Variants in MEAK7 observed in about 807,000 individuals in gnomAD.
MEAK7 encodes the protein MTOR-associated protein MEAK7.
A neutral mutation model predicts 40.5 loss-of-function variants in MEAK7; 68 were observed. The ratio of observed to expected loss-of-function variants is 1.68; its 90% CI spans 1.38 to 2.06. MEAK7 has a LOEUF of 2.06. Ranked by LOEUF, MEAK7 falls within the 30% of genes most tolerant of loss-of-function variation. The pLI is 0.00. For missense variants in MEAK7, 918 were observed against 580.5 expected, an observed-to-expected ratio of 1.58 and a Z score of -5.98; for synonymous variants, 338 against 231.9, an observed-to-expected ratio of 1.46 and a Z score of -4.16.
In MEAK7 at chr16:84,476,588, T is replaced by C. The variant is rs570748369; in HGVS notation, c.*3325A>G. ...TGACAATGATTAGCTGCAAACAAAA[T>C]GTTCCCCAGCTGCAGACGGTGGAAC... is the stretch of plus-strand genomic sequence containing the variant. On this transcript the variant is annotated 3_prime_UTR_variant, in exon 8 of 8. Coordinates refer to ENST00000343629, the MANE Select transcript of MEAK7 (RefSeq NM_020947.4). The C allele has an allele frequency of 6.6e-6, 1 of 152,196 alleles. No homozygotes were observed. The highest frequency in any genetic ancestry group is 2.4e-5 in the African/African-American group (1 of 41,518). The allele number at this position is 152,196 out of a possible 1,614,324, so 9.4% of individuals were successfully genotyped here.
At chr16:84,483,634 A>G (rs761867881) in intron 5 of MEAK7, among the ~76,000 whole-genome samples, 57 of 152,224 alleles carry the variant, frequency 3.7e-4, no homozygotes, top group Non-Finnish European at 7.8e-4. Context: ...GGCCCCGAGC[A>G]AGCCAACAGG....
At chr16:84,498,315 C>A (rs538074163) in intron 1 of MEAK7, among the ~76,000 whole-genome samples, 174 of 152,266 alleles carry the variant, frequency 1.1e-3, no homozygotes, top group African/African-American at 3.9e-3. Context: ...GCTGACCAGG[C>A]TGGAGTGCAG....
At position 84,503,928 on chromosome 16, in the gene MEAK7, C is replaced by G. The variant is rs543823197; in HGVS notation, c.-26+673G>C. The G allele has an allele frequency of 1.9e-4, 185 of 985,488 alleles. 2 individuals carry two copies. The African/African-American group carries it at 2.9e-3, about 15-fold the overall frequency. 61.0% of individuals were successfully genotyped at this position (985,488 alleles called of 1,614,324 possible). ...ACTCTCTACTCCAAGGGCCCCGCAT[C>G]CCTAGAGCCACACAAGGGTCCCTCC... On this transcript the variant is annotated intron_variant, in intron 1 of 7. Transcript: ENST00000343629.
rs1186956316 is a variant in MEAK7, at chr16:84,489,277, C to G, written c.529+1G>C. The stretch of plus-strand genomic sequence containing the variant: ...GCATCACCGCGTCCACGCACACTTG[C>G]CTTGCAGCTTCATGTCAGAGAGCAG... On this transcript the variant is annotated splice_donor_variant, in intron 4 of 7. Transcript: ENST00000343629. LOFTEE classifies it high-confidence loss of function. 4 of 1,613,826 alleles carry G rather than the reference C, an allele frequency of 2.5e-6. No homozygotes were observed. Among genetic ancestry groups the G allele is most frequent in the Non-Finnish European group, 3.4e-6 (4 of 1,179,922 alleles).
At chr16:84,500,398 C>A (rs538810608) in intron 1 of MEAK7, among the ~76,000 whole-genome samples, 1 of 152,190 alleles carries the variant, frequency 6.6e-6, no homozygotes, top group Non-Finnish European at 1.5e-5. Flanking sequence ...ACTCTATAAT[C>A]CCATCAGTAA....
intron 5 of MEAK7, among the ~76,000 whole-genome samples, chr16:84,485,835 C>T (rs1380435911): frequency 1.3e-5 from 2 of 152,224 alleles, no homozygotes; most frequent in Non-Finnish European, 2.9e-5. Flanking sequence ...GCATGCGCCA[C>T]CACACCCATC....
At chr16:84,481,056 A>G (rs1254641660) in intron 6 of MEAK7, among the ~76,000 whole-genome samples, 1 of 127,644 alleles carries the variant, frequency 7.8e-6, no homozygotes, top group Non-Finnish European at 1.9e-5. Context: ...CCCAGTTAAG[A>G]TAAGGGGAGA....
rs925635408 is a variant in MEAK7, at chr16:84,480,013, T to C, written c.1271A>G (p.Lys424Arg). ...CTCAGGGTCCGCATCCAGGATGCTCTTGTTGCCCTTGGCCTTGAGAAGAGA... is the reference window on the plus strand; with the variant it reads ...CTCAGGGTCCGCATCCAGGATGCTCCTGTTGCCCTTGGCCTTGAGAAGAGA... Reference protein sequence around the residue: ...PSEEQLAKGNKSILDADPEAQ... With the variant: ...PSEEQLAKGNRSILDADPEAQ... Residue 424 changes from lysine (K) to arginine (R), a missense_variant, in exon 8 of 8, where the codon AAG becomes AGG. Lys to Arg is a conservative substitution (Grantham distance 26). Coordinates refer to ENST00000343629, the MANE Select transcript of MEAK7 (RefSeq NM_020947.4). 1.2e-6 allele frequency: 2 copies of C among 1,602,324 alleles called. No homozygotes were observed. The highest frequency in any genetic ancestry group is 1.3e-5 in the African/African-American group (1 of 74,700).
At chr16:84,497,885 G>A (rs1914182923) in intron 2 of MEAK7, 49 bp downstream of exon 2, 1 of 1,609,526 alleles carries the variant, frequency 6.2e-7, no homozygotes, top group South Asian at 1.1e-5. Context: ...GCCACAGTTT[G>A]CAGACCCCTG....
intron 5 of MEAK7, among the ~76,000 whole-genome samples, chr16:84,485,043 G>T (rs563684493): frequency 6.0e-4 from 91 of 152,266 alleles, no homozygotes; most frequent in African/African-American, 2.1e-3. Context: ...TCCTAAAGCC[G>T]AGCCTTCAGC....
intron 3 of MEAK7, among the ~76,000 whole-genome samples, chr16:84,492,012 A>G (rs1033096733): frequency 6.6e-6 from 1 of 152,138 alleles, no homozygotes; most frequent in African/African-American, 2.4e-5. Flanking sequence ...AACACTGAAA[A>G]CAATTAAAGC....
intron 4 of MEAK7, 67 bp downstream of exon 4, chr16:84,489,211 A>G: frequency 1.3e-6 from 2 of 1,552,994 alleles, no homozygotes; most frequent in Non-Finnish European, 8.7e-7. Context: ...ACACAGCTAC[A>G]GTAATGGAGA....
chr16:84,487,325 A>C, intron 4 of MEAK7: 1 of 407,550 alleles, frequency 2.5e-6, no homozygotes. Flanking sequence ...TATTAGAATC[A>C]GTTTTCCCCT....
rs1761140483 is a variant in MEAK7 at position 84,480,566 on chromosome 16, T to G, written c.1220A>C (p.Glu407Ala). 1.2e-6 allele frequency: 2 copies of G among 1,613,676 alleles called. No individual in the cohort carries two copies. Among genetic ancestry groups the G allele is most frequent in the Non-Finnish European group, 1.7e-6 (2 of 1,179,810 alleles). ...TGAGGGGTCTCCAACCGCCCACACCTCCATCTTATCAAACTGGAAGTTCTC... is the reference window on the plus strand; with the variant it reads ...TGAGGGGTCTCCAACCGCCCACACCGCCATCTTATCAAACTGGAAGTTCTC... The part of the protein sequence containing the change: ...AQENFQFDKM[E>A]VWAVGDPSEE... The change falls in exon 7 of 8, where the codon GAG (glutamate) becomes GCG (alanine). Residue 407 changes from glutamate to alanine, a missense_variant. Physicochemically the swap from Glu to Ala is moderately radical, Grantham distance 107. Transcript: ENST00000343629.
chr16:84,479,155 C>G lies in MEAK7; in HGVS notation c.*758G>C, dbSNP rs1008106563. The G allele has an allele frequency of 6.6e-6, 1 of 152,272 alleles. No individual in the cohort carries two copies. The highest frequency in any genetic ancestry group is 2.4e-5 in the African/African-American group (1 of 41,456). 9.4% of individuals were successfully genotyped at this position (152,272 alleles called of 1,614,324 possible). On this transcript the variant is annotated 3_prime_UTR_variant, in exon 8 of 8. Transcript: ENST00000343629. ...CCACCAGACCATGTTACCTCAAAGT[C>G]TCCTGCCTCCATTTCCCCATTTTAT...
In MEAK7 at chr16:84,479,986, G is replaced by A. The variant is rs199525734; in HGVS notation, c.1298C>T (p.Ala433Val). The A allele has an allele frequency of 1.8e-5, 29 of 1,609,180 alleles. No individual in the cohort carries two copies. The Admixed American group carries it at 4.3e-4, about 24-fold the overall frequency. Residue 433 changes from alanine to valine, a missense_variant, in exon 8 of 8, where the codon GCC (alanine) becomes GTC (valine). Physicochemically the swap from Ala to Val is moderately conservative, Grantham distance 64. Transcript: ENST00000343629. ...NKSILDADPE[A>V]QALLEISGHS... ...CCCACTGATCTCCAGCAGGGCCTGG[G>A]CCTCAGGGTCCGCATCCAGGATGCT...
intron 3 of MEAK7, among the ~76,000 whole-genome samples, chr16:84,490,654 A>AGGTGTGTGTGTG (rs1555513462): frequency 7.3e-6 from 1 of 137,532 alleles, no homozygotes; most frequent in African/African-American, 2.8e-5. Context: ...GCTAATCAAG[A>AGGTGTGTGTGTG]TGTGTGTGTG....
intron 1 of MEAK7, among the ~76,000 whole-genome samples, chr16:84,503,306 GC>G (rs1431089895): frequency 1.3e-5 from 2 of 152,186 alleles, no homozygotes; most frequent in Non-Finnish European, 2.9e-5. Context: ...GGACGAGCTT[GC>G]CCTAGGTGAT....
chr16:84,486,877 G>C lies in MEAK7; in HGVS notation c.712C>G (p.Gln238Glu). 2.5e-6 allele frequency: 4 copies of C among 1,614,172 alleles called. No homozygotes were observed. Among genetic ancestry groups the C allele is most frequent in the Non-Finnish European group, 2.5e-6 (3 of 1,180,028 alleles). Reference protein sequence around the residue: ...TTLVPERQVDQGRGFESILDV... With the variant: ...TTLVPERQVDEGRGFESILDV... The stretch of plus-strand genomic sequence containing the variant: ...AGGATGCTCTCAAAACCCCTGCCCT[G>C]GTCCACTTGACGCTCAGGGACCAGG... The change falls in exon 5 of 8, where the codon CAG becomes GAG. Residue 238 changes from glutamine (Q) to glutamate (E), a missense_variant. Coordinates refer to ENST00000343629, the MANE Select transcript of MEAK7 (RefSeq NM_020947.4).
Sources: gnomAD v4.1 joint callset for allele counts (sites outside exome capture counted in the v4.1 genomes callset) on GRCh38, gnomAD v4.1.1 for gene constraint, MANE v1.5 for transcripts, NCBI Gene and HGNC (gene_info 2026-07-23, HGNC 2026-07-21) for gene names.